TTLL11: variants seen among roughly 807,000 people sequenced by gnomAD.
TTLL11 encodes the protein tubulin tyrosine ligase like 11.
In TTLL11, 42 loss-of-function variants were observed where a neutral mutation model predicts 51.7. The observed-to-expected ratio is 0.81, with a 90% CI of 0.64 to 1.05. The LOEUF (loss-of-function observed/expected upper bound fraction) is 1.05, where lower values mean the gene tolerates loss of function less well. Among genes scored for constraint, TTLL11 ranks in the 50% least tolerant of loss-of-function variants. TTLL11 has a pLI of 0.00. For missense variants in TTLL11, 799 were observed against 940.4 expected (o/e 0.85, Z 1.97); for synonymous variants, 381 against 383.5 (o/e 0.99, Z 0.08).
At chr9:122,082,793 G>C (rs1471519080) in intron 1 of TTLL11, among the ~76,000 whole-genome samples, 1 of 152,140 alleles carries the variant, frequency 6.6e-6, no homozygotes, top group Non-Finnish European at 1.5e-5. Flanking sequence ...AGCACTTTGG[G>C]AGGCTGAGGC....
At chr9:122,058,317 G>A (rs1845348441) in intron 1 of TTLL11, among the ~76,000 whole-genome samples, 3 of 152,230 alleles carry the variant, frequency 2.0e-5, no homozygotes, top group East Asian at 1.9e-4. Flanking sequence ...GCCTGCCCAC[G>A]GGGCTTTGCA....
In TTLL11 at chr9:121,819,659, C is replaced by T. The variant is rs541430116; in HGVS notation, c.*2928G>A. Among the ~76,000 whole-genome samples, 8 of 152,142 alleles carry T rather than the reference C, an allele frequency of 5.3e-5. No homozygotes were observed. In the East Asian group the frequency reaches 9.7e-4, roughly 18 times the overall value. Reference sequence around the variant, plus strand: ...AGACGCTGGAGATGGATCCTGAGGGCGCTTGCAGGGATGGGGCTTATCCTG... The same window carrying T: ...AGACGCTGGAGATGGATCCTGAGGGTGCTTGCAGGGATGGGGCTTATCCTG... On this transcript the variant is annotated 3_prime_UTR_variant, in exon 9 of 9. Transcript: ENST00000321582.
At chr9:122,050,896 T>A (rs1845139487) in intron 1 of TTLL11, among the ~76,000 whole-genome samples, 1 of 152,084 alleles carries the variant, frequency 6.6e-6, no homozygotes, top group African/African-American at 2.4e-5. Context: ...ACAGCTTGAT[T>A]GTAGCCTCAT....
intron 1 of TTLL11, among the ~76,000 whole-genome samples, chr9:122,075,956 T>G (rs1345141892): frequency 2.6e-5 from 4 of 152,182 alleles, no homozygotes; most frequent in African/African-American, 9.7e-5. Flanking sequence ...AAATCAGCTC[T>G]AGAACCATTA....
intron 6 of TTLL11, among the ~76,000 whole-genome samples, chr9:121,958,166 T>C (rs1177911976): frequency 6.6e-6 from 1 of 152,220 alleles, no homozygotes; most frequent in African/African-American, 2.4e-5. Context: ...TTAAGTGACT[T>C]GCCCAAGAGG....
chr9:121,926,724 T>C (rs1230806219), intron 6 of TTLL11, among the ~76,000 whole-genome samples: 2 of 152,204 alleles, frequency 1.3e-5, no homozygotes, highest in East Asian at 1.9e-4. Flanking sequence ...GCAGGAACTT[T>C]GGCACGAGCC....
At chr9:121,919,847 T>TA (rs59700871) in intron 6 of TTLL11, among the ~76,000 whole-genome samples, 1,534 of 59,802 alleles carry the variant, frequency 0.026, 40 homozygotes, top group African/African-American at 0.053. Context: ...CCCTCATCTC[T>TA]AAAAAAAAAA....
intron 7 of TTLL11, among the ~76,000 whole-genome samples, chr9:121,867,294 A>G (rs1215195054): frequency 6.6e-6 from 1 of 152,226 alleles, no homozygotes; most frequent in South Asian, 2.1e-4. Flanking sequence ...TTGAAAAATC[A>G]AAAGCTCTGG....
chr9:122,064,529 T>C lies in TTLL11; in HGVS notation c.463-25161A>G, dbSNP rs183723118. On this transcript the variant is annotated intron_variant, in intron 1 of 8. Transcript: ENST00000321582. ...GTATTTTAATCTCCCTATATGCCTG[T>C]TGATCAATAGCATTTATCCATTTTA... is the stretch of plus-strand genomic sequence containing the variant. 6.6e-5 allele frequency among the ~76,000 whole-genome samples: 10 copies of C among 152,344 alleles called. No individual in the cohort carries two copies. In the East Asian group the frequency reaches 1.9e-3, roughly 29 times the overall value.
intron 1 of TTLL11, among the ~76,000 whole-genome samples, chr9:122,074,269 A>C (rs1845804301): frequency 6.7e-6 from 1 of 148,414 alleles, no homozygotes; most frequent in Admixed American, 6.6e-5. Flanking sequence ...GCAAGGCTTC[A>C]TCTCAATTAA....
intron 8 of TTLL11, among the ~76,000 whole-genome samples, chr9:121,838,919 C>T (rs532587862): frequency 9.9e-5 from 15 of 152,276 alleles, no homozygotes; most frequent in South Asian, 6.2e-4. Flanking sequence ...TCTGAGGGAT[C>T]GAGCCCCGCC....
chr9:121,896,863 G>A (rs1213702690), intron 6 of TTLL11, among the ~76,000 whole-genome samples: 1 of 152,166 alleles, frequency 6.6e-6, no homozygotes, highest in Non-Finnish European at 1.5e-5. Flanking sequence ...AGAAAAACGC[G>A]TACAGGGATC....
chr9:122,031,152 C>T (rs1421353171), intron 3 of TTLL11, among the ~76,000 whole-genome samples: 1 of 152,152 alleles, frequency 6.6e-6, no homozygotes, highest in Non-Finnish European at 1.5e-5. Context: ...ACAAAAATGG[C>T]AGTTCTGAGT....
chr9:121,920,718 C>T (rs555321053), intron 6 of TTLL11, among the ~76,000 whole-genome samples: 1 of 152,346 alleles, frequency 6.6e-6, no homozygotes, highest in South Asian at 2.1e-4. Flanking sequence ...TGTTCTATGT[C>T]TGCTCTAACA....
chr9:121,941,794 T>A (rs1200644861), intron 6 of TTLL11, among the ~76,000 whole-genome samples: 1 of 152,148 alleles, frequency 6.6e-6, no homozygotes, highest in Non-Finnish European at 1.5e-5. Flanking sequence ...GGATCAGTAC[T>A]CCTCTGTGTT....
intron 6 of TTLL11, among the ~76,000 whole-genome samples, chr9:121,915,391 A>G (rs1356688032): frequency 6.6e-6 from 1 of 152,206 alleles, no homozygotes; most frequent in Admixed American, 6.5e-5. Flanking sequence ...TTACAAGAAC[A>G]TGTGCACATT....
chr9:121,977,531 A>G (rs988645789), intron 4 of TTLL11, among the ~76,000 whole-genome samples: 1 of 152,208 alleles, frequency 6.6e-6, no homozygotes, highest in Non-Finnish European at 1.5e-5. Flanking sequence ...TTCATATCTT[A>G]GTTCTGCCTT....
chr9:122,010,858 G>C (rs533048365), intron 3 of TTLL11, among the ~76,000 whole-genome samples: 1 of 152,326 alleles, frequency 6.6e-6, no homozygotes, highest in South Asian at 2.1e-4. Context: ...GATAGGTCAT[G>C]ATTCAAAGCA....
chr9:122,084,105 T>A (rs1334762488), intron 1 of TTLL11, among the ~76,000 whole-genome samples: 1 of 152,142 alleles, frequency 6.6e-6, no homozygotes, highest in African/African-American at 2.4e-5. Context: ...AATCTCCCTA[T>A]GAGTATAAAG....
Sources: gnomAD v4.1 joint callset for allele counts (sites outside exome capture counted in the v4.1 genomes callset) on GRCh38, gnomAD v4.1.1 for gene constraint, MANE v1.5 for transcripts, NCBI Gene and HGNC (gene_info 2026-07-23, HGNC 2026-07-21) for gene names.